Variants in TMC6 observed in about 807,000 individuals in gnomAD.
The protein encoded by TMC6 is transmembrane channel like 6.
Under a neutral mutation model 95.4 loss-of-function variants are expected in TMC6, and 71 were observed. The ratio of observed to expected loss-of-function variants is 0.74; its 90% confidence interval spans 0.61 to 0.91. The LOEUF is 0.91. Among genes scored for constraint, TMC6 ranks in the 40% least tolerant of loss-of-function variants. The pLI is 0.00. For synonymous variants in TMC6, 514 were observed against 483.1 expected (o/e 1.06, Z -0.84); for missense variants, 1,074 against 1,079.1 (o/e 1.00, Z 0.07).
upstream of TMC6, among the ~76,000 whole-genome samples, chr17:78,129,607 G>A (rs113918381): frequency 5.9e-5 from 9 of 152,266 alleles, no homozygotes; most frequent in African/African-American, 2.2e-4. The surrounding 1 kb of genome is among the most constrained non-coding windows in gnomAD (Gnocchi z 4.3). Context: ...GAGGGCAGGA[G>A]AGGGCACTGC....
chr17:78,117,491 G>A lies in TMC6; in HGVS notation c.2175C>T (p.Val725=). ...HRYLMENTFF[V]FLVSALLLAV... is the part of the protein sequence containing the mutation. ...ACAGCAGCAGGGCTGACACCAGGAA[G>A]ACAAAGAAGGTGTTTTCCATCAGGT... The change falls in exon 17 of 20, where the codon GTC becomes GTT. Residue 725 remains valine (V), a synonymous_variant. Coordinates refer to ENST00000590602, the MANE Select transcript of TMC6 (RefSeq NM_001127198.5). 2 of 1,609,404 alleles carry A rather than the reference G, an allele frequency of 1.2e-6. No individual in the cohort carries two copies. The highest frequency in any genetic ancestry group is 1.7e-6 in the Non-Finnish European group (2 of 1,178,990).
intron 8 of TMC6, 161 bp from the exon 9 acceptor site, chr17:78,124,340 G>A (rs1247822139): frequency 1.5e-6 from 2 of 1,325,514 alleles, no homozygotes; most frequent in African/African-American, 1.5e-5. Flanking sequence ...CCAGCCCCAT[G>A]GGAACCCCAG....
In TMC6 at chr17:78,117,353, G is replaced by C; in HGVS notation, c.2199-6C>G. 6.2e-7 allele frequency: 1 copy of C among 1,613,288 alleles called. No individual in the cohort carries two copies. The highest frequency in any genetic ancestry group is 8.5e-7 in the Non-Finnish European group (1 of 1,179,968). ...TGTTGAGGTAGATCACGGCCCTGCGGGAGAGGGGCTGTCGGGCAGGGCCCA... is the reference window on the plus strand; with the variant it reads ...TGTTGAGGTAGATCACGGCCCTGCGCGAGAGGGGCTGTCGGGCAGGGCCCA... On this transcript the variant is annotated splice_polypyrimidine_tract_variant and splice_region_variant and intron_variant, in intron 17 of 19. Transcript: ENST00000590602.
At chr17:78,118,585 G>A (rs1363746127) in intron 15 of TMC6, among the ~76,000 whole-genome samples, 3 of 147,804 alleles carry the variant, frequency 2.0e-5, no homozygotes, top group African/African-American at 7.6e-5. Context: ...AAAGACAGGA[G>A]CCAGGATGGG....
In TMC6 at chr17:78,119,285, G is replaced by C; in HGVS notation, c.1811+12C>G. On this transcript the variant is annotated intron_variant, in intron 14 of 19. Coordinates refer to ENST00000590602, the MANE Select transcript of TMC6 (RefSeq NM_001127198.5). The stretch of plus-strand genomic sequence containing the variant: ...GGGGCCAGACAGTAGGAGGCAAGCA[G>C]AGGACCCTCACCAGGTCAGAGTCTG... The C allele has an allele frequency of 6.2e-7, 1 of 1,613,874 alleles. No individual in the cohort carries two copies.
At position 78,128,332 on chromosome 17, in the gene TMC6, AC is replaced by A. The variant is rs1391223054; in HGVS notation, c.-75+279del. 2.0e-4 allele frequency among the ~76,000 whole-genome samples: 30 copies of A among 147,302 alleles called. No homozygotes were observed. The highest frequency in any genetic ancestry group is 7.3e-4 in the African/African-American group (29 of 39,692). On this transcript the variant is annotated intron_variant, in intron 1 of 19. Coordinates refer to ENST00000590602, the MANE Select transcript of TMC6 (RefSeq NM_001127198.5). This position sits in a 1 kb window ranked among gnomAD's most constrained non-coding sequence, Gnocchi z 4.0. ...CCCCGCCCCTTCCCATCCCGGCCAC[AC>A]CCCCTCCCCTCCCCTCCCCGTGCCC... is the stretch of plus-strand genomic sequence containing the variant.
In TMC6 at chr17:78,113,686, T is replaced by C. The variant is rs56097181; in HGVS notation, c.2278-62A>G. The C allele has an allele frequency of 1.8e-3, 2,862 of 1,551,072 alleles. 54 individuals carry two copies. In the African/African-American group the frequency reaches 0.033, roughly 18 times the overall value. ...TCCATCAGCCCATCCAGAGCCATCC[T>C]GTTCCAAACTGCATTTGAGGGAAAA... On this transcript the variant is annotated intron_variant, in intron 18 of 19. Coordinates refer to ENST00000590602, the MANE Select transcript of TMC6 (RefSeq NM_001127198.5).
chr17:78,126,355 G>C lies in TMC6; in HGVS notation c.193C>G (p.Gln65Glu). The change falls in exon 4 of 20, where the codon CAG becomes GAG. Residue 65 changes from glutamine to glutamate, a missense_variant. By Grantham distance (29) the Gln-to-Glu change is conservative. Transcript: ENST00000590602. Reference sequence around the variant, plus strand: ...GTGCCCTCGGGCCGCCAGAGTGTCTGCTGGCTACTTCCTACAAAGCAAGAA... The same window carrying C: ...GTGCCCTCGGGCCGCCAGAGTGTCTCCTGGCTACTTCCTACAAAGCAAGAA... The part of the protein sequence containing the change: ...REREVTGSSQ[Q>E]TLWRPEGTQS... 5 of 1,588,654 alleles carry C rather than the reference G, an allele frequency of 3.1e-6. No individual in the cohort carries two copies. The highest frequency in any genetic ancestry group is 4.3e-6 in the Non-Finnish European group (5 of 1,172,634).
At chr17:78,132,360 C>T, upstream of TMC6, 3 of 1,612,954 alleles carry the variant, frequency 1.9e-6, no homozygotes, top group Non-Finnish European at 2.5e-6. Flanking sequence ...CCACTGCAGG[C>T]CTCTTCGGCA....
Position 78,112,547 on chromosome 17 carries a change from C to A in TMC6, c.*601G>T, listed in dbSNP as rs1388659808. The stretch of plus-strand genomic sequence containing the variant: ...GTGCTGGTTACCTATGCCTGGGAGG[C>A]AACTGTCCCCACAACTCATTTGCAA... On this transcript the variant is annotated 3_prime_UTR_variant, in exon 20 of 20. Transcript: ENST00000590602. 1 of 162,894 alleles carries A rather than the reference C, an allele frequency of 6.1e-6. No individual in the cohort carries two copies. Among genetic ancestry groups the A allele is most frequent in the Non-Finnish European group, 1.4e-5 (1 of 73,858 alleles). The allele number at this position is 162,894 out of a possible 1,614,324, so 10.1% of individuals were successfully genotyped here.
chr17:78,119,231 AC>A, intron 14 of TMC6, 65 bp downstream of exon 14: 1 of 1,584,524 alleles, frequency 6.3e-7, no homozygotes, highest in Non-Finnish European at 8.7e-7. Flanking sequence ...CAGGTACAGG[AC>A]CCCCGGGGGG....
chr17:78,113,099 G>C lies in TMC6; in HGVS notation c.*49C>G. 10 of 1,544,766 alleles carry C rather than the reference G, an allele frequency of 6.5e-6. No individual in the cohort carries two copies. Among genetic ancestry groups the C allele is most frequent in the Non-Finnish European group, 7.9e-6 (9 of 1,141,810 alleles). On this transcript the variant is annotated 3_prime_UTR_variant, in exon 20 of 20. Coordinates refer to ENST00000590602, the MANE Select transcript of TMC6 (RefSeq NM_001127198.5). ...CCAGCAGGGTCACTGGGAGGCAACAGTGTGGTCTCAGGGTGCTGGGCGGGC... is the reference window on the plus strand; with the variant it reads ...CCAGCAGGGTCACTGGGAGGCAACACTGTGGTCTCAGGGTGCTGGGCGGGC...
Position 78,109,255 on chromosome 17 carries a change from T to C in TMC6, c.*3893A>G. On this transcript the variant is annotated 3_prime_UTR_variant, in exon 20 of 20. Coordinates refer to ENST00000590602, the MANE Select transcript of TMC6 (RefSeq NM_001127198.5). Reference sequence around the variant, plus strand: ...GAAGCCAGCAGACACAGAGGCATCATGGCGAGCCCCGACTGAGTGTTCAGT... The same window carrying C: ...GAAGCCAGCAGACACAGAGGCATCACGGCGAGCCCCGACTGAGTGTTCAGT... The C allele has an allele frequency of 5.7e-6, 2 of 351,652 alleles. No homozygotes were observed. Among genetic ancestry groups the C allele is most frequent in the Admixed American group, 3.9e-5 (1 of 25,688 alleles). 21.8% of individuals were successfully genotyped at this position (351,652 alleles called of 1,614,324 possible). A position where few individuals can be genotyped will look rare whatever the true frequency, so the allele number is the denominator to read the frequency against.
intron 8 of TMC6, 40 bp from the exon 9 acceptor site, chr17:78,124,219 A>C: frequency 6.2e-7 from 1 of 1,607,988 alleles, no homozygotes; most frequent in Non-Finnish European, 8.5e-7. Flanking sequence ...GACTTTCCCC[A>C]CGCCCCACCC....
At chr17:78,113,428 T>G in intron 19 of TMC6, 120 bp downstream of exon 19, 1 of 1,327,588 alleles carries the variant, frequency 7.5e-7, no homozygotes, top group Non-Finnish European at 1.1e-6. Context: ...TTTTTGTAGG[T>G]CAAAAGCGGT....
chr17:78,117,695 GCTCC>G (rs1567986620), intron 16 of TMC6, 51 bp from the exon 17 acceptor site: 1 of 1,554,574 alleles, frequency 6.4e-7, no homozygotes. Flanking sequence ...AGTTCACCCG[GCTCC>G]CTCCCAGCCC....
chr17:78,111,964 G>A lies in TMC6; in HGVS notation c.*1184C>T. The A allele has an allele frequency of 4.8e-6, 1 of 206,252 alleles. No individual in the cohort carries two copies. The highest frequency in any genetic ancestry group is 8.8e-6 in the Non-Finnish European group (1 of 113,412). The allele number at this position is 206,252 out of a possible 1,614,324, so 12.8% of individuals were successfully genotyped here. On this transcript the variant is annotated 3_prime_UTR_variant, in exon 20 of 20. Transcript: ENST00000590602. ...CTGGTCCCCGCAGGCCTGGAGCACT[G>A]GGGTCATGACGGGCTGGTTCCCGCA...
Position 78,121,026 on chromosome 17 carries a change from C to A in TMC6, c.1522G>T (p.Val508Leu). ...GCGGCCACACACCTGCAGATGGCCA[C>A]GTACACCTCCAGTACCGGGGAGTCA... ...PHDSPVLEVY[V>L]AICRNLILKL... The change falls in exon 12 of 20, where the codon GTG becomes TTG. Residue 508 changes from valine to leucine, a missense_variant. By Grantham distance (32) the Val-to-Leu change is conservative. Coordinates refer to ENST00000590602, the MANE Select transcript of TMC6 (RefSeq NM_001127198.5). The surrounding 1 kb of genome is among the most constrained non-coding windows in gnomAD (Gnocchi z 5.6). The A allele has an allele frequency of 6.2e-7, 1 of 1,613,384 alleles. No individual in the cohort carries two copies. The highest frequency in any genetic ancestry group is 8.5e-7 in the Non-Finnish European group (1 of 1,180,018).
At chr17:78,131,682 TCTGGGACGC>T, upstream of TMC6, 1 of 1,575,668 alleles carries the variant, frequency 6.3e-7, no homozygotes, top group South Asian at 1.2e-5. Context: ...GCTGCGCGGC[TCTGGGACGC>T]CCGTGCGCGG....
Sources: gnomAD v4.1 joint callset for allele counts (sites outside exome capture counted in the v4.1 genomes callset) on GRCh38, gnomAD v4.1.1 for gene constraint, Gnocchi (gnomAD v3.1) non-coding constraint, MANE v1.5 for transcripts, NCBI Gene and HGNC (gene_info 2026-07-23, HGNC 2026-07-21) for gene names.